Variants in TG observed in about 807,000 individuals in gnomAD.
The protein encoded by TG is thyroid hormones.
A neutral mutation model predicts 324.7 loss-of-function variants in TG; 270 were observed. The ratio of observed to expected loss-of-function variants is 0.83; its 90% CI spans 0.75 to 0.92. The LOEUF (loss-of-function observed/expected upper bound fraction) is 0.92. TG is among the 40% of genes least tolerant of loss of function. The pLI is 0.00. For synonymous variants in TG, 1,401 were observed against 1,327.0 expected, an observed-to-expected ratio of 1.06 and a Z score of -1.21; for missense variants, 3,591 against 3,456.4, an observed-to-expected ratio of 1.04 and a Z score of -0.98.
At chr8:133,074,122 G>C (rs576025179) in intron 41 of TG, among the ~76,000 whole-genome samples, 1 of 152,056 alleles carries the variant, frequency 6.6e-6, no homozygotes, top group Non-Finnish European at 1.5e-5. Context: ...GAAAATTCCC[G>C]TTGTCCTAAA....
rs574118672 is a variant in TG at position 133,013,779 on chromosome 8, A to G, written c.6562+15A>G. The stretch of plus-strand genomic sequence containing the variant: ...CCGGAAGCCAGGTAAGCCCAAGCCT[A>G]TGCCTTTGCAGCCATCCTGGGAAAC... On this transcript the variant is annotated intron_variant, in intron 37 of 47. Transcript: ENST00000220616. 6.2e-7 allele frequency: 1 copy of G among 1,606,048 alleles called. No homozygotes were observed. The highest frequency in any genetic ancestry group is 2.2e-5 in the East Asian group (1 of 44,836).
At chr8:132,972,826 G>T in intron 34 of TG, 85 bp downstream of exon 34, 2 of 1,550,712 alleles carry the variant, frequency 1.3e-6, no homozygotes, top group Admixed American at 1.7e-5. Flanking sequence ...TCTTGGATTG[G>T]TGAGTAGATT....
chr8:132,988,012 C>A (rs149047309), intron 35 of TG, among the ~76,000 whole-genome samples: 1 of 150,506 alleles, frequency 6.6e-6, no homozygotes, highest in African/African-American at 2.4e-5. Context: ...GTCGGGGGAG[C>A]AGAATTCTTT....
chr8:132,885,130 G>GGC (rs1554654536), intron 8 of TG, among the ~76,000 whole-genome samples: 1 of 71,606 alleles, frequency 1.4e-5, no homozygotes, highest in African/African-American at 3.6e-5. Flanking sequence ...TTTAAAAGTT[G>GGC]GGGGGGGGGC....
At chr8:132,932,677 T>C (rs1435055296) in intron 23 of TG, among the ~76,000 whole-genome samples, 3 of 152,248 alleles carry the variant, frequency 2.0e-5, no homozygotes, top group Non-Finnish European at 4.4e-5. Flanking sequence ...GAATGCTTCA[T>C]GCCTATCACA....
At chr8:132,992,048 G>A (rs549299138) in intron 35 of TG, among the ~76,000 whole-genome samples, 1 of 152,300 alleles carries the variant, frequency 6.6e-6, no homozygotes, top group African/African-American at 2.4e-5. Flanking sequence ...CAATGGAGAA[G>A]TGCTGGGTTT....
At chr8:132,990,641 T>C (rs1212892259) in intron 35 of TG, among the ~76,000 whole-genome samples, 1 of 152,176 alleles carries the variant, frequency 6.6e-6, no homozygotes, top group Non-Finnish European at 1.5e-5. Flanking sequence ...AAATTCCTAT[T>C]CATGGAATGA....
chr8:133,040,484 A>C (rs1286807789), intron 41 of TG: 5 of 271,042 alleles, frequency 1.8e-5, no homozygotes, highest in African/African-American at 4.3e-5. Flanking sequence ...GAAAGAAATG[A>C]AGCAACAAGT....
intron 23 of TG, among the ~76,000 whole-genome samples, chr8:132,932,603 A>G (rs1022184057): frequency 6.6e-6 from 1 of 152,190 alleles, no homozygotes; most frequent in African/African-American, 2.4e-5. Context: ...TACATTTTCT[A>G]CCAAAACCTC....
At chr8:133,094,044 G>C (rs1282625287) in intron 41 of TG, among the ~76,000 whole-genome samples, 1 of 152,086 alleles carries the variant, frequency 6.6e-6, no homozygotes, top group Non-Finnish European at 1.5e-5. Context: ...TGACTCTTCA[G>C]TGGGCAGCCA....
In TG at chr8:132,941,359, T is replaced by C. The variant is rs2129910688; in HGVS notation, c.5050T>C (p.Ser1684Pro). The C allele has an allele frequency of 6.2e-7, 1 of 1,614,226 alleles. No individual in the cohort carries two copies. Among genetic ancestry groups the C allele is most frequent in the East Asian group, 2.2e-5 (1 of 44,888 alleles). Residue 1684 changes from serine to proline, a missense_variant, in exon 26 of 48, where the codon TCC (serine) becomes CCC (proline). Ser to Pro is a moderately conservative substitution (Grantham distance 74). Transcript: ENST00000220616. ...PAVYLKKGQG[S>P]TTTLQKRFEP... ...TTCTGCCTTTCCCCCAGGCCAAGGA[T>C]CCACCACAACACTTCAGAAACGCTT... is the stretch of plus-strand genomic sequence containing the variant.
intron 35 of TG, among the ~76,000 whole-genome samples, chr8:132,984,100 C>T (rs1831235261): frequency 6.6e-6 from 1 of 152,168 alleles, no homozygotes; most frequent in Non-Finnish European, 1.5e-5. Context: ...TTCTGCTTCC[C>T]TTTGTCAGGA....
At chr8:132,943,079 C>T (rs942290222) in intron 26 of TG, among the ~76,000 whole-genome samples, 4 of 152,170 alleles carry the variant, frequency 2.6e-5, no homozygotes, top group African/African-American at 9.7e-5. Flanking sequence ...AGGACTAACC[C>T]TGCCTCCTGG....
At chr8:132,920,226 C>T (rs935022321) in intron 21 of TG, among the ~76,000 whole-genome samples, 9 of 152,170 alleles carry the variant, frequency 5.9e-5, no homozygotes, top group Non-Finnish European at 1.0e-4. Flanking sequence ...TAATAGTCCC[C>T]TGGGTATTGT....
chr8:132,989,342 C>T (rs1832015253), intron 35 of TG, among the ~76,000 whole-genome samples: 1 of 152,212 alleles, frequency 6.6e-6, no homozygotes. Flanking sequence ...TTTGTCCTCT[C>T]CATTCTATGT....
chr8:133,003,386 A>C (rs2130844877), intron 35 of TG: 1 of 152,184 alleles, frequency 6.6e-6, no homozygotes, highest in Admixed American at 6.5e-5. Context: ...CAATCAAATG[A>C]ACACAGCCAT....
chr8:132,893,691 T>TG lies in TG; in HGVS notation c.2763_2764insG (p.Pro922AlafsTer5). 1 of 1,613,770 alleles carries TG rather than the reference T, an allele frequency of 6.2e-7. No individual in the cohort carries two copies. The highest frequency in any genetic ancestry group is 8.5e-7 in the Non-Finnish European group (1 of 1,179,858). On this transcript the variant is annotated frameshift_variant and splice_region_variant, in exon 11 of 48. Coordinates refer to ENST00000220616, the MANE Select transcript of TG (RefSeq NM_003235.5). LOFTEE classifies it high-confidence loss of function. ...TCTGTGTTATTTTTATTCCCCTAGG[T>TG]CCTGGCTCCTGTGAGGAAGCAAAGC...
chr8:132,917,294 G>A (rs1020414192), intron 20 of TG, among the ~76,000 whole-genome samples: 9 of 152,008 alleles, frequency 5.9e-5, no homozygotes, highest in African/African-American at 2.2e-4. Flanking sequence ...CAGGTGTGCT[G>A]GGGTAGGAAA....
Position 132,933,652 on chromosome 8 carries a change from T to G in TG, c.4908T>G (p.Asn1636Lys). The change falls in exon 24 of 48, where the codon AAT becomes AAG. Residue 1636 changes from asparagine to lysine, a missense_variant. By Grantham distance (94) the Asn-to-Lys change is moderately conservative. Transcript: ENST00000220616. ...SCDFYAWTSD[N>K]VACMTSDQKR... ...ATTTCTATGCTTGGACAAGTGACAA[T>G]GTTGCCTGCATGACTTCTGACCAGG... 1 of 1,614,132 alleles carries G rather than the reference T, an allele frequency of 6.2e-7. No individual in the cohort carries two copies. The highest frequency in any genetic ancestry group is 8.5e-7 in the Non-Finnish European group (1 of 1,180,026).
Sources: gnomAD v4.1 joint callset for allele counts (sites outside exome capture counted in the v4.1 genomes callset) on GRCh38, gnomAD v4.1.1 for gene constraint, MANE v1.5 for transcripts, NCBI Gene and HGNC (gene_info 2026-07-23, HGNC 2026-07-21) for gene names.